Variants in AMER3 observed in about 807,000 individuals in gnomAD.
AMER3 encodes family with sequence similarity 123C.
For missense variants in AMER3, 1,201 were observed against 1,139.4 expected (o/e 1.05, Z -0.78); for synonymous variants, 541 against 485.5 (o/e 1.11, Z -1.50).
In AMER3 at chr2:130,764,807, T is replaced by C. The variant is rs932949786; in HGVS notation, c.*149T>C. The C allele has an allele frequency of 9.5e-7, 1 of 1,056,502 alleles. No individual in the cohort carries two copies. The highest frequency in any genetic ancestry group is 1.7e-5 in the South Asian group (1 of 58,008). The allele number at this position is 1,056,502 out of a possible 1,614,324, so 65.4% of individuals were successfully genotyped here. On this transcript the variant is annotated 3_prime_UTR_variant, in exon 2 of 2. Coordinates refer to ENST00000321420, the MANE Select transcript of AMER3 (RefSeq NM_152698.3). ...ACTCAGGCATGCAGAGGGTAGCATG[T>C]TCATGTGGAGGCATCCTTGCCTGAA...
At position 130,767,139 on chromosome 2, in the gene AMER3, G is replaced by A. The variant is rs1452374876; in HGVS notation, c.*2481G>A. 2 of 167,162 alleles carry A rather than the reference G, an allele frequency of 1.2e-5. No individual in the cohort carries two copies. Among genetic ancestry groups the A allele is most frequent in the Non-Finnish European group, 2.9e-5 (2 of 68,206 alleles). The allele number at this position is 167,162 out of a possible 1,614,324, so 10.4% of individuals were successfully genotyped here. On this transcript the variant is annotated 3_prime_UTR_variant, in exon 2 of 2. Transcript: ENST00000321420. ...GACATTCAGAACCATGAAGGGAGAAGGTGGCTGGTGTCTGTAGGAGGGACA... is the reference window on the plus strand; with the variant it reads ...GACATTCAGAACCATGAAGGGAGAAAGTGGCTGGTGTCTGTAGGAGGGACA...
Position 130,767,898 on chromosome 2 carries a change from T to A in AMER3, c.*3240T>A, listed in dbSNP as rs1363228697. 1.2e-5 allele frequency: 2 copies of A among 167,234 alleles called. No individual in the cohort carries two copies. Among genetic ancestry groups the A allele is most frequent in the African/African-American group, 4.8e-5 (2 of 41,436 alleles). The allele number at this position is 167,234 out of a possible 1,614,324, so 10.4% of individuals were successfully genotyped here. ...CCAAAGGCCCTGCTCTTCCTCAAGC[T>A]CCAGAACCTCTCACTGAGCTCCTGC... On this transcript the variant is annotated 3_prime_UTR_variant, in exon 2 of 2. Transcript: ENST00000321420.
intron 1 of AMER3, 50 bp from the exon 2 acceptor site, chr2:130,762,004 C>A: frequency 6.6e-7 from 1 of 1,525,806 alleles, no homozygotes; most frequent in South Asian, 1.2e-5. Context: ...CTTCCAGAGC[C>A]CAGGGCCCTC....
chr2:130,757,696 A>G (rs1678651987), intron 1 of AMER3, among the ~76,000 whole-genome samples: 1 of 152,134 alleles, frequency 6.6e-6, no homozygotes, highest in African/African-American at 2.4e-5. Flanking sequence ...TCTGTCTTTT[A>G]AGTTTGGTTT....
rs565460457 is a variant in AMER3, at chr2:130,763,323, C to T, written c.1251C>T (p.Tyr417=). 9.3e-6 allele frequency: 15 copies of T among 1,613,644 alleles called. No homozygotes were observed. The Admixed American group carries it at 2.0e-4, about 22-fold the overall frequency. The stretch of plus-strand genomic sequence containing the variant: ...CCGCCACCTTCCCACGGGACAGCTA[C>T]AGTGGGGACGCCCTCTACGAGCTCT... ...TPAATFPRDS[Y]SGDALYELFH... Residue 417 remains tyrosine, a synonymous_variant, in exon 2 of 2, where the codon TAC becomes TAT. Transcript: ENST00000321420.
rs1346515837 is a variant in AMER3 at position 130,767,053 on chromosome 2, A to G, written c.*2395A>G. The stretch of plus-strand genomic sequence containing the variant: ...TCAGATCGCCATTCCCCTTCAGGAA[A>G]ACTTCGAATGGGGCTGTGGACCTCA... On this transcript the variant is annotated 3_prime_UTR_variant, in exon 2 of 2. Coordinates refer to ENST00000321420, the MANE Select transcript of AMER3 (RefSeq NM_152698.3). 1.2e-5 allele frequency: 2 copies of G among 167,134 alleles called. No homozygotes were observed. The highest frequency in any genetic ancestry group is 2.9e-5 in the Non-Finnish European group (2 of 68,154). The allele number at this position is 167,134 out of a possible 1,614,324, so 10.4% of individuals were successfully genotyped here.
intron 1 of AMER3, among the ~76,000 whole-genome samples, chr2:130,757,361 C>T (rs778800949): frequency 6.6e-6 from 1 of 152,182 alleles, no homozygotes; most frequent in African/African-American, 2.4e-5. Flanking sequence ...CTCCCCTAAA[C>T]CCTGCTTGGG....
chr2:130,763,006 AGT>A lies in AMER3; in HGVS notation c.938_939del (p.Val313GlufsTer36), dbSNP rs1270364141. On this transcript the variant is annotated frameshift_variant, in exon 2 of 2. Transcript: ENST00000321420. LOFTEE classifies it low-confidence loss of function (END_TRUNC). ...EASDFTRFWD[S>X]VNRSVRQQQR... Reference sequence around the variant, plus strand: ...CTCTGACTTCACCAGGTTCTGGGACAGTGTGAATCGCTCAGTGCGTCAGCAGC... The same window carrying A: ...CTCTGACTTCACCAGGTTCTGGGACAGTGAATCGCTCAGTGCGTCAGCAGC... 6.2e-7 allele frequency: 1 copy of A among 1,613,254 alleles called. No homozygotes were observed.
Position 130,762,196 on chromosome 2 carries a change from G to A in AMER3, c.124G>A (p.Gly42Arg). Reference protein sequence around the residue: ...EGTGPWSVLPGGQQRPHSEKG... With the variant: ...EGTGPWSVLPRGQQRPHSEKG... ...GACAGGCCCCTGGTCAGTCCTTCCA[G>A]GAGGGCAACAGAGGCCCCACAGTGA... Residue 42 changes from glycine (G) to arginine (R), a missense_variant, in exon 2 of 2, where the codon GGA becomes AGA. Transcript: ENST00000321420. The A allele has an allele frequency of 1.3e-6, 2 of 1,592,408 alleles. No individual in the cohort carries two copies. Among genetic ancestry groups the A allele is most frequent in the African/African-American group, 1.3e-5 (1 of 74,768 alleles).
Position 130,763,935 on chromosome 2 carries a change from T to C in AMER3, c.1863T>C (p.Thr621=). 1 of 1,613,766 alleles carries C rather than the reference T, an allele frequency of 6.2e-7. No individual in the cohort carries two copies. Among genetic ancestry groups the C allele is most frequent in the Admixed American group, 1.7e-5 (1 of 60,028 alleles). The part of the protein sequence containing the change: ...GLFSSMESAA[T]STTDTSGKNK... ...TCTCCTCTATGGAGTCTGCAGCCAC[T>C]TCGACAACAGATACTTCCGGTAAAA... The change falls in exon 2 of 2, where the codon ACT becomes ACC. Residue 621 remains threonine, a synonymous_variant. Transcript: ENST00000321420.
Position 130,767,095 on chromosome 2 carries a change from A to G in AMER3, c.*2437A>G, listed in dbSNP as rs1259107284. ...TGGACCTCACTCCCCAAAATGTCAC[A>G]ACACATGTGCAGCACCCCGACATTC... On this transcript the variant is annotated 3_prime_UTR_variant, in exon 2 of 2. Coordinates refer to ENST00000321420, the MANE Select transcript of AMER3 (RefSeq NM_152698.3). 6.0e-6 allele frequency: 1 copy of G among 167,076 alleles called. No homozygotes were observed. Among genetic ancestry groups the G allele is most frequent in the Non-Finnish European group, 1.5e-5 (1 of 68,142 alleles). 10.3% of individuals were successfully genotyped at this position (167,076 alleles called of 1,614,324 possible).
Position 130,764,713 on chromosome 2 carries a change from A to G in AMER3, c.*55A>G. ...GTGTCTTCATGACCACTTTCAGGAG[A>G]GCCTAGGACTCAAATCTCTATCTTT... On this transcript the variant is annotated 3_prime_UTR_variant, in exon 2 of 2. Transcript: ENST00000321420. 1 of 1,485,072 alleles carries G rather than the reference A, an allele frequency of 6.7e-7. No individual in the cohort carries two copies. The highest frequency in any genetic ancestry group is 9.0e-7 in the Non-Finnish European group (1 of 1,114,818). The allele number at this position is 1,485,072 out of a possible 1,614,324, so 92.0% of individuals were successfully genotyped here. A position where few individuals can be genotyped will look rare whatever the true frequency, so the allele number is the denominator to read the frequency against.
rs1477814769 is a variant in AMER3, at chr2:130,764,086, A to G, written c.2014A>G (p.Met672Val). 3.1e-6 allele frequency: 5 copies of G among 1,612,066 alleles called. No homozygotes were observed. The highest frequency in any genetic ancestry group is 1.7e-5 in the Admixed American group (1 of 59,744). The change falls in exon 2 of 2, where the codon ATG (methionine) becomes GTG (valine). Residue 672 changes from methionine (M) to valine (V), a missense_variant. Physicochemically the swap from Met to Val is conservative, Grantham distance 21 (BLOSUM62 1). Transcript: ENST00000321420. ...AGGTGACACTCTGGATGCAGAGCCC[A>G]TGCTGGCAGGCTGTGTGGCCCGTGT... Reference protein sequence around the residue: ...HGGDTLDAEPMLAGCVARVAA... With the variant: ...HGGDTLDAEPVLAGCVARVAA...
At position 130,764,273 on chromosome 2, in the gene AMER3, T is replaced by C. The variant is rs1305179383; in HGVS notation, c.2201T>C (p.Leu734Pro). ...CCCAGCATGACCACCATCCATGGCCTACCCTACTCAGCCAGCACACAGGAC... is the reference window on the plus strand; with the variant it reads ...CCCAGCATGACCACCATCCATGGCCCACCCTACTCAGCCAGCACACAGGAC... ...SSPSMTTIHG[L>P]PYSASTQDQR... Residue 734 changes from leucine (L) to proline (P), a missense_variant, in exon 2 of 2, where the codon CTA becomes CCA. Coordinates refer to ENST00000321420, the MANE Select transcript of AMER3 (RefSeq NM_152698.3). The C allele has an allele frequency of 6.2e-7, 1 of 1,609,594 alleles. No individual in the cohort carries two copies.
Position 130,764,969 on chromosome 2 carries a change from G to A in AMER3, c.*311G>A, listed in dbSNP as rs575730988. On this transcript the variant is annotated 3_prime_UTR_variant, in exon 2 of 2. Coordinates refer to ENST00000321420, the MANE Select transcript of AMER3 (RefSeq NM_152698.3). ...AAGAGCTGCACATTGTAAATGGGAA[G>A]CAGAGAGCCAATGAGTCTGCCTGGG... 7.7e-5 allele frequency: 24 copies of A among 309,980 alleles called. 1 individual carries two copies. The East Asian group carries it at 8.3e-4, about 11-fold the overall frequency. 19.2% of individuals were successfully genotyped at this position (309,980 alleles called of 1,614,324 possible). A position where few individuals can be genotyped will look rare whatever the true frequency, so the allele number is the denominator to read the frequency against.
intron 1 of AMER3, among the ~76,000 whole-genome samples, chr2:130,758,828 C>A (rs1276902794): frequency 6.6e-6 from 1 of 152,222 alleles, no homozygotes; most frequent in Non-Finnish European, 1.5e-5. Flanking sequence ...GGTCTATAGC[C>A]ACAGGGTTAC....
At chr2:130,757,845 C>T (rs894589040) in intron 1 of AMER3, among the ~76,000 whole-genome samples, 16 of 152,148 alleles carry the variant, frequency 1.1e-4, no homozygotes, top group African/African-American at 3.6e-4. Context: ...AAAAATGATG[C>T]ACATAGGCCG....
intron 1 of AMER3, among the ~76,000 whole-genome samples, chr2:130,761,153 C>T (rs1437228244): frequency 1.3e-5 from 2 of 152,198 alleles, no homozygotes; most frequent in Admixed American, 6.5e-5. Flanking sequence ...CTGCTCCTAC[C>T]CACCCACAGG....
Position 130,764,734 on chromosome 2 carries a change from T to C in AMER3, c.*76T>C. 2.1e-6 allele frequency: 3 copies of C among 1,428,138 alleles called. No individual in the cohort carries two copies. The highest frequency in any genetic ancestry group is 2.8e-6 in the Non-Finnish European group (3 of 1,073,526). 88.5% of individuals were successfully genotyped at this position (1,428,138 alleles called of 1,614,324 possible). On this transcript the variant is annotated 3_prime_UTR_variant, in exon 2 of 2. Transcript: ENST00000321420. ...GGAGAGCCTAGGACTCAAATCTCTA[T>C]CTTTTGTCCCTGATGTGGGGACTGT...
Sources: gnomAD v4.1 joint callset for allele counts (sites outside exome capture counted in the v4.1 genomes callset) on GRCh38, gnomAD v4.1.1 for gene constraint, MANE v1.5 for transcripts, NCBI Gene and HGNC (gene_info 2026-07-23, HGNC 2026-07-21) for gene names.